Variants in SLC12A7 observed in about 807,000 individuals in gnomAD.
SLC12A7 encodes the protein K-Cl cotransporter 4.
A neutral mutation model predicts 120.6 loss-of-function variants in SLC12A7; 100 were observed. The observed-to-expected ratio is 0.83, with a 90% CI of 0.71 to 0.98. The LOEUF (loss-of-function observed/expected upper bound fraction) is 0.98. Among genes scored for constraint, SLC12A7 ranks in the 50% least tolerant of loss-of-function variants. The probability of loss-of-function intolerance (pLI) is 0.00; values close to 1 mark genes in which losing one functional copy is unlikely to be tolerated. For missense variants in SLC12A7, 1,373 were observed against 1,548.1 expected (o/e 0.89, Z 1.90); for synonymous variants, 760 against 678.0 (o/e 1.12, Z -1.88).
At chr5:1,091,506 C>T (rs536308147) in intron 3 of SLC12A7, among the ~76,000 whole-genome samples, 8 of 152,340 alleles carry the variant, frequency 5.3e-5, no homozygotes, top group East Asian at 1.9e-4. Flanking sequence ...AGGACACAAA[C>T]TCCAGCACAC....
Position 1,075,405 on chromosome 5 carries a change from C to G in SLC12A7, c.1933G>C (p.Ala645Pro), listed in dbSNP as rs753327979. 6.2e-7 allele frequency: 1 copy of G among 1,612,294 alleles called. No homozygotes were observed. Among genetic ancestry groups the G allele is most frequent in the Middle Eastern group, 1.7e-4 (1 of 6,054 alleles). The change falls in exon 15 of 24, where the codon GCT becomes CCT. Residue 645 changes from alanine to proline, a missense_variant. Coordinates refer to ENST00000264930, the MANE Select transcript of SLC12A7 (RefSeq NM_006598.3). Reference sequence around the variant, plus strand: ...TCGATGTACTTGTAGATGCAGCCAGCGATGAGCATGGCGGACAGCGCGTAG... The same window carrying G: ...TCGATGTACTTGTAGATGCAGCCAGGGATGAGCATGGCGGACAGCGCGTAG... ...WYYALSAMLIAGCIYKYIEYR... is the reference protein window; with the variant it reads ...WYYALSAMLIPGCIYKYIEYR...
intron 1 of SLC12A7, 74 bp from the exon 2 acceptor site, chr5:1,094,322 T>C: frequency 9.3e-7 from 1 of 1,080,520 alleles, no homozygotes; most frequent in Non-Finnish European, 1.4e-6. Flanking sequence ...ACTACAGATC[T>C]TGCACGGAGG....
At chr5:1,135,105 C>A in the SLC12A7 span, among the ~76,000 whole-genome samples, 1 of 152,012 alleles carries the variant, frequency 6.6e-6, no homozygotes, top group Admixed American at 6.5e-5. Context: ...CCAGCCTGGG[C>A]GACAGGGCAA....
intron 10 of SLC12A7, among the ~76,000 whole-genome samples, 171 bp downstream of exon 10, chr5:1,079,227 C>T (rs1738722510): frequency 6.6e-6 from 1 of 152,208 alleles, no homozygotes; most frequent in Admixed American, 6.5e-5. Flanking sequence ...AAGCCAGGGT[C>T]CTGACAGCAG....
rs1737226686 is a variant in SLC12A7 at position 1,067,878 on chromosome 5, A to C, written c.2242-2400T>G. Among the ~76,000 whole-genome samples the C allele has an allele frequency of 2.6e-5, 4 of 151,928 alleles. No individual in the cohort carries two copies. In the South Asian group the frequency reaches 8.3e-4, roughly 32 times the overall value. ...TCAGCACCGTGTCGGGGACCCTGTT[A>C]TCACAAGTCAGCACCGTGTCGGGGA... On this transcript the variant is annotated intron_variant, in intron 17 of 23. Coordinates refer to ENST00000264930, the MANE Select transcript of SLC12A7 (RefSeq NM_006598.3).
At chr5:1,070,072 G>T in intron 17 of SLC12A7, among the ~76,000 whole-genome samples, 1 of 14,136 alleles carries the variant, frequency 7.1e-5, no homozygotes, top group East Asian at 1.8e-3. Context: ...CCAGCACACG[G>T]GCATCACACT....
intron 1 of SLC12A7, among the ~76,000 whole-genome samples, chr5:1,095,770 G>A (rs914445799): frequency 1.8e-4 from 28 of 152,254 alleles, no homozygotes; most frequent in African/African-American, 5.8e-4. Flanking sequence ...AGCCGCAGGA[G>A]TGGTGGGTTC....
chr5:1,133,635 T>C, the SLC12A7 span, among the ~76,000 whole-genome samples: 1 of 152,198 alleles, frequency 6.6e-6, no homozygotes, highest in Non-Finnish European at 1.5e-5. Flanking sequence ...GCCGGCATGC[T>C]TGCTGGGTGT....
upstream of SLC12A7, chr5:1,112,070 C>G: frequency 1.7e-6 from 2 of 1,194,150 alleles, no homozygotes; most frequent in Non-Finnish European, 2.1e-6. Context: ...GACTTGGAGG[C>G]AGGGGCGGGG....
intron 12 of SLC12A7, 94 bp downstream of exon 12, chr5:1,077,739 G>A: frequency 3.1e-6 from 4 of 1,303,036 alleles, no homozygotes; most frequent in Non-Finnish European, 4.1e-6. Flanking sequence ...CCGCGGGCAT[G>A]CGTCCCACAC....
At chr5:1,077,632 C>A (rs909003362) in intron 12 of SLC12A7, among the ~76,000 whole-genome samples, 10 of 152,202 alleles carry the variant, frequency 6.6e-5, no homozygotes, top group Admixed American at 1.3e-4. Context: ...GACCTGCAGG[C>A]AGGAGGGCTA....
the SLC12A7 span, among the ~76,000 whole-genome samples, chr5:1,130,994 T>C: frequency 6.6e-6 from 1 of 151,134 alleles, no homozygotes; most frequent in East Asian, 2.0e-4. Context: ...ACCTAGGAGA[T>C]GGGGTCCCAG....
At chr5:1,113,374 G>T (rs1357034191), upstream of SLC12A7, among the ~76,000 whole-genome samples, 1 of 152,190 alleles carries the variant, frequency 6.6e-6, no homozygotes, top group Non-Finnish European at 1.5e-5. Context: ...GGCTCTGTGG[G>T]TTCAAGGAAC....
chr5:1,136,387 CGTGTGCTCAG>C, the SLC12A7 span, among the ~76,000 whole-genome samples: 1 of 146,986 alleles, frequency 6.8e-6, no homozygotes, highest in Admixed American at 6.8e-5. Context: ...CGCAGACACA[CGTGTGCTCAG>C]ACACCAACAC....
intron 1 of SLC12A7, among the ~76,000 whole-genome samples, chr5:1,096,302 G>A (rs1741126279): frequency 6.6e-6 from 1 of 152,226 alleles, no homozygotes; most frequent in Non-Finnish European, 1.5e-5. Context: ...CAACATGGCA[G>A]GAGGTTGGCA....
intron 1 of SLC12A7, among the ~76,000 whole-genome samples, chr5:1,107,828 G>T (rs1441673545): frequency 6.6e-6 from 1 of 152,140 alleles, no homozygotes; most frequent in African/African-American, 2.4e-5. Context: ...CGAGGCAAAG[G>T]TCTCCTCATA....
At chr5:1,108,029 T>TACACACACACACACAC (rs59652318) in intron 1 of SLC12A7, among the ~76,000 whole-genome samples, 29,383 of 151,370 alleles carry the variant, frequency 0.19, 2,871 homozygotes, top group Non-Finnish European at 0.22. Flanking sequence ...AACACACACA[T>TACACACACACACACAC]ACACACACAC....
rs763289661 is a variant in SLC12A7 at position 1,086,939 on chromosome 5, C to T, written c.639G>A (p.Gly213=). 6.2e-7 allele frequency: 1 copy of T among 1,612,888 alleles called. No homozygotes were observed. The highest frequency in any genetic ancestry group is 8.5e-7 in the Non-Finnish European group (1 of 1,180,002). The part of the protein sequence containing the change: ...LCFYLGTTFA[G]AMYILGTIEI... Reference sequence around the variant, plus strand: ...CGATGGTCCCCAAAATATACATGGCCCCTGCAAACGTCGTGCCCAGGTAGA... The same window carrying T: ...CGATGGTCCCCAAAATATACATGGCTCCTGCAAACGTCGTGCCCAGGTAGA... The change falls in exon 6 of 24, where the codon GGG becomes GGA. Residue 213 remains glycine, a synonymous_variant. Coordinates refer to ENST00000264930, the MANE Select transcript of SLC12A7 (RefSeq NM_006598.3).
intron 17 of SLC12A7, among the ~76,000 whole-genome samples, chr5:1,067,923 C>T (rs150747323): frequency 3.3e-5 from 5 of 152,138 alleles, no homozygotes; most frequent in East Asian, 1.9e-4. Flanking sequence ...CACAAGTCCC[C>T]GCACCTGCCC....
Sources: gnomAD v4.1 joint callset for allele counts (sites outside exome capture counted in the v4.1 genomes callset) on GRCh38, gnomAD v4.1.1 for gene constraint, MANE v1.5 for transcripts, NCBI Gene and HGNC (gene_info 2026-07-23, HGNC 2026-07-21) for gene names.